The following PLD1 variants were observed in gnomAD, a reference collection of about 807,000 sequenced individuals.
PLD1 encodes the protein phospholipase D1.
A neutral mutation model predicts 137.1 loss-of-function variants in PLD1; 112 were observed. That is an observed-to-expected ratio of 0.82 (90% CI 0.70 to 0.96). The LOEUF (loss-of-function observed/expected upper bound fraction) is 0.96, where lower values mean the gene tolerates loss of function less well. Ranked by LOEUF, PLD1 falls within the 40% of genes least tolerant of loss-of-function variation. The pLI is 0.00. For missense variants in PLD1, 1,321 were observed against 1,342.0 expected, an observed-to-expected ratio of 0.98 and a Z score of 0.24; for synonymous variants, 431 against 454.7, an observed-to-expected ratio of 0.95 and a Z score of 0.66.
At chr3:171,713,343 C>A (rs545682516) in intron 9 of PLD1, among the ~76,000 whole-genome samples, 6 of 152,278 alleles carry the variant, frequency 3.9e-5, no homozygotes, top group African/African-American at 1.4e-4. Context: ...CGCCTGTAGT[C>A]CCAGCTACTC....
chr3:171,807,790 C>G (rs1270556622), intron 1 of PLD1, among the ~76,000 whole-genome samples: 2 of 152,150 alleles, frequency 1.3e-5, no homozygotes, highest in African/African-American at 2.4e-5. Flanking sequence ...CACCACAGCA[C>G]TAGTCACAAT....
At chr3:171,606,124 T>C (rs543303812) in intron 25 of PLD1, among the ~76,000 whole-genome samples, 7 of 152,200 alleles carry the variant, frequency 4.6e-5, no homozygotes, top group African/African-American at 1.7e-4. Context: ...TGGGTGGCAG[T>C]GGAGATGAAG....
At chr3:171,657,908 T>C (rs568549099) in intron 21 of PLD1, among the ~76,000 whole-genome samples, 14 of 152,126 alleles carry the variant, frequency 9.2e-5, no homozygotes, top group African/African-American at 3.4e-4. Flanking sequence ...GAATCATATA[T>C]CTGATATGAG....
chr3:171,752,933 G>C (rs1178376599), intron 1 of PLD1, among the ~76,000 whole-genome samples: 2 of 152,136 alleles, frequency 1.3e-5, no homozygotes, highest in African/African-American at 4.8e-5. Flanking sequence ...GCATTCATTT[G>C]GTCCAACCTC....
rs60146546 is a variant in PLD1 at position 171,808,815 on chromosome 3, A to ATTTTTTTTTTTTTTTTTTTT, written c.-32+1564_-32+1583dup. Among the ~76,000 whole-genome samples the ATTTTTTTTTTTTTTTTTTTT allele has an allele frequency of 1.5e-3, 133 of 86,234 alleles. 4 individuals are homozygous for ATTTTTTTTTTTTTTTTTTTT. Among genetic ancestry groups the ATTTTTTTTTTTTTTTTTTTT allele is most frequent in the African/African-American group, 4.2e-3 (87 of 20,672 alleles). The allele number at this position is 86,234 out of a possible 152,430, so 56.6% of individuals were successfully genotyped here. A position where few individuals can be genotyped will look rare whatever the true frequency, so the allele number is the denominator to read the frequency against. ...TTTTTCCTCAAAGCCTTAGCATTCA[A>ATTTTTTTTTTTTTTTTTTTT]TTTTTTTTTTTTTTTTTTTTTTTTT... On this transcript the variant is annotated intron_variant, in intron 1 of 26. Coordinates refer to ENST00000351298, the MANE Select transcript of PLD1 (RefSeq NM_002662.5).
At chr3:171,758,767 C>A (rs1382934627) in intron 1 of PLD1, among the ~76,000 whole-genome samples, 1 of 152,198 alleles carries the variant, frequency 6.6e-6, no homozygotes, top group African/African-American at 2.4e-5. Context: ...TCAGGACCTT[C>A]CTTCTCCTGG....
chr3:171,609,544 ACACACACAC>A (rs1416614565), intron 25 of PLD1, among the ~76,000 whole-genome samples: 28 of 147,986 alleles, frequency 1.9e-4, no homozygotes, highest in African/African-American at 7.1e-4. Context: ...ACACACACAC[ACACACACAC>A]ACCAGAGAAA....
chr3:171,601,307 G>A lies in PLD1; in HGVS notation c.*1771C>T, dbSNP rs890768617. ...GGTGCTGAAAATCAAGAGCCAGTTT[G>A]TTGACTCCTCTAAGGTTTAAAAAAT... On this transcript the variant is annotated 3_prime_UTR_variant, in exon 27 of 27. Coordinates refer to ENST00000351298, the MANE Select transcript of PLD1 (RefSeq NM_002662.5). The A allele has an allele frequency of 3.3e-5, 5 of 152,070 alleles. No individual in the cohort carries two copies. Among genetic ancestry groups the A allele is most frequent in the African/African-American group, 1.2e-4 (5 of 41,398 alleles). 9.4% of individuals were successfully genotyped at this position (152,070 alleles called of 1,614,324 possible).
At chr3:171,794,159 A>G (rs1156749866) in intron 1 of PLD1, among the ~76,000 whole-genome samples, 2 of 151,802 alleles carry the variant, frequency 1.3e-5, no homozygotes, top group Non-Finnish European at 2.9e-5. Flanking sequence ...AAAAAAAAAG[A>G]AAAGTACTGT....
At chr3:171,668,838 T>A (rs1712435651) in intron 19 of PLD1, among the ~76,000 whole-genome samples, 1 of 152,216 alleles carries the variant, frequency 6.6e-6, no homozygotes, top group South Asian at 2.1e-4. Context: ...ATCCTCTGTC[T>A]TTATAATATA....
At chr3:171,638,441 G>A (rs1001077620) in intron 23 of PLD1, among the ~76,000 whole-genome samples, 2 of 151,970 alleles carry the variant, frequency 1.3e-5, no homozygotes, top group African/African-American at 2.4e-5. Context: ...ATAATCTTAC[G>A]GGACCACCAT....
At chr3:171,731,007 T>A (rs1384212504) in intron 6 of PLD1, among the ~76,000 whole-genome samples, 1 of 136,694 alleles carries the variant, frequency 7.3e-6, no homozygotes, top group Non-Finnish European at 1.6e-5. Flanking sequence ...CATTTTAGTT[T>A]AGTTCTCAAA....
At chr3:171,715,509 T>C (rs1346174098) in intron 8 of PLD1, among the ~76,000 whole-genome samples, 3 of 152,158 alleles carry the variant, frequency 2.0e-5, no homozygotes, top group Non-Finnish European at 4.4e-5. Flanking sequence ...TCTGTGAAAA[T>C]GTCATTAGTA....
chr3:171,600,463 C>G lies in PLD1; in HGVS notation c.*2615G>C, dbSNP rs1397207398. ...GTCACTTTGAAATGTTGAGCAGATTCATGATAGATTTTCAAGGCTTTGAAT... is the reference window on the plus strand; with the variant it reads ...GTCACTTTGAAATGTTGAGCAGATTGATGATAGATTTTCAAGGCTTTGAAT... On this transcript the variant is annotated 3_prime_UTR_variant, in exon 27 of 27. Coordinates refer to ENST00000351298, the MANE Select transcript of PLD1 (RefSeq NM_002662.5). The G allele has an allele frequency of 1.3e-5, 2 of 152,100 alleles. No individual in the cohort carries two copies. The highest frequency in any genetic ancestry group is 4.8e-5 in the African/African-American group (2 of 41,396). 9.4% of individuals were successfully genotyped at this position (152,100 alleles called of 1,614,324 possible).
In PLD1 at chr3:171,751,370, T is replaced by TAC. The variant is rs75408496; in HGVS notation, c.-31-13290_-31-13289dup. Among the ~76,000 whole-genome samples, 968 of 151,672 alleles carry TAC rather than the reference T, an allele frequency of 6.4e-3. 8 individuals carry two copies. Among genetic ancestry groups the TAC allele is most frequent in the Non-Finnish European group, 9.3e-3 (630 of 67,862 alleles). Reference sequence around the variant, plus strand: ...ACGTTCATTGAACAAATGGGAAAATTACACACACACACACAAAATTTGTAA... The same window carrying TAC: ...ACGTTCATTGAACAAATGGGAAAATTACACACACACACACACAAAATTTGTAA... On this transcript the variant is annotated intron_variant, in intron 1 of 26. Transcript: ENST00000351298.
chr3:171,687,675 A>G (rs1363179676), intron 14 of PLD1, 91 bp from the exon 15 acceptor site: 1 of 791,064 alleles, frequency 1.3e-6, no homozygotes, highest in Admixed American at 2.6e-5. Context: ...TATAAAGTTT[A>G]CAAATGATGG....
intron 23 of PLD1, among the ~76,000 whole-genome samples, chr3:171,625,821 G>C (rs1326508436): frequency 1.6e-4 from 24 of 152,180 alleles, no homozygotes; most frequent in Admixed American, 1.3e-3. Context: ...CTAACAAACA[G>C]AAAGGACATC....
chr3:171,631,212 A>C (rs966479230), intron 23 of PLD1, among the ~76,000 whole-genome samples: 8 of 152,168 alleles, frequency 5.3e-5, no homozygotes, highest in Non-Finnish European at 1.2e-4. Flanking sequence ...CACTATAAGC[A>C]AGTGTTAAAC....
chr3:171,764,880 AAAGAAAGAAAGAAAGGAAGGAAGG>A (rs1377999168), intron 1 of PLD1, among the ~76,000 whole-genome samples: 1,025 of 23,216 alleles, frequency 0.044, 145 homozygotes, highest in South Asian at 0.055. Context: ...AGAAAGAAAG[AAAGAAAGAAAGAAAGGAAGGAAGG>A]AAGGAAGGAA....
Sources: allele counts gnomAD v4.1 joint callset (sites outside exome capture counted in the v4.1 genomes callset), GRCh38; gene constraint gnomAD v4.1.1; transcripts MANE v1.5; gene names NCBI Gene and HGNC (gene_info 2026-07-23, HGNC 2026-07-21).